DLG5: variants seen among roughly 807,000 people sequenced by gnomAD.
DLG5 encodes the protein disks large homolog 5.
DLG5 carries 48 observed loss-of-function variants against 189.8 expected under a neutral mutation model. The observed-to-expected ratio is 0.25, with a 90% CI of 0.20 to 0.32. The LOEUF (loss-of-function observed/expected upper bound fraction) is 0.32, where lower values mean the gene tolerates loss of function less well. Among genes scored for constraint, DLG5 ranks in the 10% least tolerant of loss-of-function variants. The pLI, the probability that DLG5 is intolerant of heterozygous loss-of-function variation, is 1.00. For missense variants in DLG5, 2,160 were observed against 2,544.7 expected (o/e 0.85, Z 3.25); for synonymous variants, 1,016 against 1,054.1 (o/e 0.96, Z 0.70).
At chr10:77,830,441 T>C in intron 10 of DLG5, 97 bp from the exon 11 acceptor site, 1 of 1,557,438 alleles carries the variant, frequency 6.4e-7, no homozygotes. Flanking sequence ...TGTGGGGGAC[T>C]GTCCCTTCAC....
At chr10:77,837,202 G>T (rs1482549218) in intron 7 of DLG5, among the ~76,000 whole-genome samples, 3 of 121,108 alleles carry the variant, frequency 2.5e-5, no homozygotes, top group Admixed American at 2.0e-4. Flanking sequence ...ACAACAGAGG[G>T]AGACTCGGTC....
intron 8 of DLG5, among the ~76,000 whole-genome samples, chr10:77,834,804 G>A (rs1843047153): frequency 6.6e-6 from 1 of 152,218 alleles, no homozygotes; most frequent in Non-Finnish European, 1.5e-5. Context: ...AAGCAGACAG[G>A]AAGCAGCCCC....
At chr10:77,829,804 C>T (rs1008189743) in intron 11 of DLG5, among the ~76,000 whole-genome samples, 1 of 152,234 alleles carries the variant, frequency 6.6e-6, no homozygotes, top group African/African-American at 2.4e-5. Context: ...GCAATAATCA[C>T]GCCTACCTTG....
chr10:77,928,774 C>T (rs1398611086), upstream of DLG5: 1 of 152,190 alleles, frequency 6.6e-6, no homozygotes, highest in Non-Finnish European at 1.5e-5. Flanking sequence ...CGCCTGTAAT[C>T]CCAGCACTTT....
At position 77,830,807 on chromosome 10, in the gene DLG5, G is replaced by A. The variant is rs370703846; in HGVS notation, c.1815C>T (p.His605=). The A allele has an allele frequency of 1.4e-4, 233 of 1,614,046 alleles. No homozygotes were observed. Among genetic ancestry groups the A allele is most frequent in the Admixed American group, 2.0e-4 (12 of 59,994 alleles). Reference sequence around the variant, plus strand: ...TGGAATCCGTGTCAATGGCCGAGTCGTGGGAGCTGTGGGCCATCAGCTGTC... The same window carrying A: ...TGGAATCCGTGTCAATGGCCGAGTCATGGGAGCTGTGGGCCATCAGCTGTC... ...RFRQLMAHSS[H]DSAIDTDSME... Residue 605 remains histidine (H), a synonymous_variant, in exon 10 of 32, where the codon CAC becomes CAT. Coordinates refer to ENST00000372391, the MANE Select transcript of DLG5 (RefSeq NM_004747.4).
At chr10:77,815,013 C>G (rs531437446) in intron 20 of DLG5, among the ~76,000 whole-genome samples, 4 of 152,126 alleles carry the variant, frequency 2.6e-5, no homozygotes, top group Non-Finnish European at 5.9e-5. Flanking sequence ...TCCTAACCAC[C>G]GTGAGGGCAG....
At chr10:77,847,662 G>C (rs956928066) in intron 5 of DLG5, among the ~76,000 whole-genome samples, 1 of 151,962 alleles carries the variant, frequency 6.6e-6, no homozygotes, top group South Asian at 2.1e-4. Context: ...GCACACACGA[G>C]TGCGCACACA....
Position 77,859,836 on chromosome 10 carries a change from G to C in DLG5, c.374-2944C>G, listed in dbSNP as rs4979795. Reference sequence around the variant, plus strand: ...AAAATATTCTTTGGCGGTGAGGCCAGGGGTCAGCATTTCCTCTCCCCAAAG... The same window carrying C: ...AAAATATTCTTTGGCGGTGAGGCCACGGGTCAGCATTTCCTCTCCCCAAAG... On this transcript the variant is annotated intron_variant, in intron 2 of 31. Transcript: ENST00000372391. Among the ~76,000 whole-genome samples, 1,368 of 152,344 alleles carry C rather than the reference G, an allele frequency of 9.0e-3. 19 individuals carry two copies. Among genetic ancestry groups the C allele is most frequent in the African/African-American group, 0.031 (1,282 of 41,572 alleles).
At chr10:77,868,010 C>T (rs1844754218) in intron 2 of DLG5, 1 of 456,684 alleles carries the variant, frequency 2.2e-6, no homozygotes, top group Non-Finnish European at 4.4e-6. Context: ...AACCAAGGAG[C>T]ACCAAGGATT....
chr10:77,888,713 G>A (rs552502650), intron 1 of DLG5, among the ~76,000 whole-genome samples: 1 of 152,242 alleles, frequency 6.6e-6, no homozygotes, highest in South Asian at 2.1e-4. Flanking sequence ...CCTCGGGAAA[G>A]GACACCCATT....
intron 20 of DLG5, among the ~76,000 whole-genome samples, 162 bp from the exon 21 acceptor site, chr10:77,812,539 CTG>C (rs892223399): frequency 1.3e-5 from 2 of 152,172 alleles, no homozygotes; most frequent in African/African-American, 4.8e-5. Flanking sequence ...GGGCCCACCC[CTG>C]TGTGACAAAC....
chr10:77,876,846 T>C (rs1376313639), intron 1 of DLG5, among the ~76,000 whole-genome samples: 2 of 150,520 alleles, frequency 1.3e-5, no homozygotes, highest in Non-Finnish European at 3.0e-5. Flanking sequence ...GGAAGGAAGA[T>C]GATGGCTGCC....
chr10:77,892,081 C>T (rs1445493223), intron 1 of DLG5, among the ~76,000 whole-genome samples: 1 of 152,238 alleles, frequency 6.6e-6, no homozygotes. Flanking sequence ...GACACACCCA[C>T]AGGCCAAACA....
At chr10:77,901,008 G>C (rs1383202533) in intron 1 of DLG5, among the ~76,000 whole-genome samples, 3 of 149,100 alleles carry the variant, frequency 2.0e-5, no homozygotes, top group Admixed American at 2.0e-4. Context: ...CCAGCTACTT[G>C]GGAGGCTGAG....
rs747837582 is a variant in DLG5, at chr10:77,824,576, C to T, written c.2290-100G>A. 99 of 927,484 alleles carry T rather than the reference C, an allele frequency of 1.1e-4. 1 individual carries two copies. The highest frequency in any genetic ancestry group is 2.2e-4 in the Middle Eastern group (1 of 4,582). The allele number at this position is 927,484 out of a possible 1,614,324, so 57.5% of individuals were successfully genotyped here. A position where few individuals can be genotyped will look rare whatever the true frequency, so the allele number is the denominator to read the frequency against. Reference sequence around the variant, plus strand: ...CTAACCTCCTGTGCTAGACAGTCACCAAATGCAAGGTGCCAAAGTCAGGAG... The same window carrying T: ...CTAACCTCCTGTGCTAGACAGTCACTAAATGCAAGGTGCCAAAGTCAGGAG... On this transcript the variant is annotated intron_variant, in intron 13 of 31. Transcript: ENST00000372391.
At chr10:77,818,336 A>G (rs1372453491) in intron 17 of DLG5, among the ~76,000 whole-genome samples, 3 of 152,208 alleles carry the variant, frequency 2.0e-5, no homozygotes, top group South Asian at 2.1e-4. Context: ...GGGATCGCCC[A>G]CATCAGGCTG....
At chr10:77,896,144 C>CAA (rs5786310) in intron 1 of DLG5, among the ~76,000 whole-genome samples, 216 of 146,654 alleles carry the variant, frequency 1.5e-3, no homozygotes, top group Middle Eastern at 3.5e-3. Flanking sequence ...GACTGTGTCT[C>CAA]AAAAAAAAAA....
chr10:77,911,260 TGGGACCACA>T (rs1846212800), intron 1 of DLG5, among the ~76,000 whole-genome samples: 2 of 152,080 alleles, frequency 1.3e-5, no homozygotes, highest in Admixed American at 1.3e-4. Flanking sequence ...CCCAAGCAAC[TGGGACCACA>T]GGCATGCGCC....
At chr10:77,921,397 C>G (rs1427653246) in intron 1 of DLG5, among the ~76,000 whole-genome samples, 2 of 152,204 alleles carry the variant, frequency 1.3e-5, no homozygotes, top group Admixed American at 6.5e-5. Flanking sequence ...CAGCACCCAT[C>G]TGCATTAGTC....
Sources: allele counts gnomAD v4.1 joint callset (sites outside exome capture counted in the v4.1 genomes callset), GRCh38; gene constraint gnomAD v4.1.1; transcripts MANE v1.5; gene names NCBI Gene and HGNC (gene_info 2026-07-23, HGNC 2026-07-21).